Variants in PTPRD observed in about 807,000 individuals in gnomAD.
PTPRD encodes the protein protein tyrosine phosphatase receptor type D.
Under a neutral mutation model 214.5 loss-of-function variants are expected in PTPRD, and 34 were observed. That is an observed-to-expected ratio of 0.16 (90% CI 0.12 to 0.21). The LOEUF (loss-of-function observed/expected upper bound fraction) is 0.21, where lower values mean the gene tolerates loss of function less well. PTPRD is among the 10% of genes least tolerant of loss of function. The probability of loss-of-function intolerance (pLI) is 1.00; values close to 1 mark genes in which losing one functional copy is unlikely to be tolerated. For missense variants in PTPRD, 2,545 were observed against 2,398.7 expected (o/e 1.06, Z -1.27); for synonymous variants, 1,128 against 845.7 (o/e 1.33, Z -5.79).
chr9:9,884,428 C>T (rs893630607), intron 5 of PTPRD, among the ~76,000 whole-genome samples: 1 of 152,150 alleles, frequency 6.6e-6, no homozygotes, highest in Admixed American at 6.6e-5. Context: ...TGTAAGAAAG[C>T]CCTTCCTCAA....
At chr9:9,469,175 T>G (rs1050089224) in intron 8 of PTPRD, among the ~76,000 whole-genome samples, 1 of 152,140 alleles carries the variant, frequency 6.6e-6, no homozygotes, top group Non-Finnish European at 1.5e-5. Context: ...AAATATTATG[T>G]ATAAGTTGAA....
intron 2 of PTPRD, among the ~76,000 whole-genome samples, chr9:10,444,412 C>A (rs59084899): frequency 0.09 from 13,622 of 151,666 alleles, 1,040 homozygotes; most frequent in African/African-American, 0.2. Context: ...TAAATACTAA[C>A]ATTATATAGG....
chr9:10,216,316 G>C (rs992941591), intron 3 of PTPRD, among the ~76,000 whole-genome samples: 1 of 151,968 alleles, frequency 6.6e-6, no homozygotes, highest in African/African-American at 2.4e-5. Flanking sequence ...GAAGGGGTTA[G>C]AGAGCTTCAA....
intron 5 of PTPRD, among the ~76,000 whole-genome samples, chr9:9,786,196 T>C (rs534872506): frequency 6.6e-6 from 1 of 152,314 alleles, no homozygotes; most frequent in South Asian, 2.1e-4. Flanking sequence ...TTATTTGCCA[T>C]GCACTGAAGC....
intron 11 of PTPRD, among the ~76,000 whole-genome samples, chr9:8,898,202 C>T (rs1242586664): frequency 6.6e-6 from 1 of 152,036 alleles, no homozygotes; most frequent in Non-Finnish European, 1.5e-5. Context: ...CTCATATTCT[C>T]TTTTATATAA....
intron 36 of PTPRD, among the ~76,000 whole-genome samples, chr9:8,399,349 C>CAAAT (rs950927217): frequency 4.6e-5 from 7 of 152,004 alleles, no homozygotes; most frequent in Admixed American, 3.9e-4. Flanking sequence ...AATTAGTGTA[C>CAAAT]AAATAAAGTA....
intron 7 of PTPRD, among the ~76,000 whole-genome samples, chr9:9,646,775 A>G (rs1334942839): frequency 1.3e-5 from 2 of 152,182 alleles, no homozygotes. Context: ...TCTATAATAA[A>G]GTTTAAAATT....
At chr9:9,587,781 C>T (rs955296146) in intron 7 of PTPRD, among the ~76,000 whole-genome samples, 4 of 151,864 alleles carry the variant, frequency 2.6e-5, no homozygotes, top group Admixed American at 1.3e-4. Context: ...CATGTTCTTA[C>T]TCATATGTGG....
chr9:8,692,895 T>C (rs979143932), intron 12 of PTPRD, among the ~76,000 whole-genome samples: 2 of 152,200 alleles, frequency 1.3e-5, no homozygotes, highest in Non-Finnish European at 2.9e-5. Context: ...AAAACATCAA[T>C]GTTTGGCAGT....
chr9:10,271,915 C>T (rs780665170), intron 3 of PTPRD, among the ~76,000 whole-genome samples: 1 of 152,032 alleles, frequency 6.6e-6, no homozygotes, highest in Admixed American at 6.6e-5. Flanking sequence ...TATGTGAATT[C>T]TCTTCCAGTC....
intron 10 of PTPRD, among the ~76,000 whole-genome samples, chr9:9,103,846 G>A (rs538920519): frequency 6.6e-6 from 1 of 152,056 alleles, no homozygotes; most frequent in Non-Finnish European, 1.5e-5. Context: ...GCTGGGCGTG[G>A]TGATGTGCAC....
chr9:9,998,849 G>A (rs1385601233), intron 4 of PTPRD, among the ~76,000 whole-genome samples: 1 of 152,130 alleles, frequency 6.6e-6, no homozygotes, highest in African/African-American at 2.4e-5. Context: ...GATTCTCCAT[G>A]CTCATGCTGC....
chr9:10,561,316 A>C (rs982899634), intron 2 of PTPRD, among the ~76,000 whole-genome samples: 3 of 152,168 alleles, frequency 2.0e-5, no homozygotes, highest in African/African-American at 7.2e-5. Context: ...TAACAAGTAT[A>C]TTTAAGATAT....
At chr9:8,680,807 T>C (rs892776020) in intron 12 of PTPRD, among the ~76,000 whole-genome samples, 2 of 152,148 alleles carry the variant, frequency 1.3e-5, no homozygotes, top group Non-Finnish European at 2.9e-5. Flanking sequence ...TCAGAACTAA[T>C]TTTCCACTGG....
intron 2 of PTPRD, among the ~76,000 whole-genome samples, chr9:10,447,310 C>T (rs2098806998): frequency 6.6e-6 from 1 of 151,980 alleles, no homozygotes; most frequent in African/African-American, 2.4e-5. Flanking sequence ...AATGAGAAGA[C>T]TCTATTTTAG....
At chr9:8,643,115 G>T (rs1381055816) in intron 12 of PTPRD, among the ~76,000 whole-genome samples, 1 of 152,100 alleles carries the variant, frequency 6.6e-6, no homozygotes, top group Non-Finnish European at 1.5e-5. Context: ...ATTGTTTATG[G>T]TATTTCTTTT....
At chr9:9,785,212 T>A (rs1263327640) in intron 5 of PTPRD, among the ~76,000 whole-genome samples, 1 of 151,848 alleles carries the variant, frequency 6.6e-6, no homozygotes, top group African/African-American at 2.4e-5. Flanking sequence ...AATACAAAAT[T>A]GCCATTCAGG....
At chr9:10,086,159 A>G (rs536015345) in intron 3 of PTPRD, among the ~76,000 whole-genome samples, 8 of 151,844 alleles carry the variant, frequency 5.3e-5, no homozygotes, top group South Asian at 2.1e-4. Flanking sequence ...AAATGGGTGT[A>G]TTTCATAGTG....
At chr9:9,209,934 GT>G (rs2099947445) in intron 9 of PTPRD, among the ~76,000 whole-genome samples, 1 of 152,026 alleles carries the variant, frequency 6.6e-6, no homozygotes, top group Non-Finnish European at 1.5e-5. Flanking sequence ...ATTTTCATTG[GT>G]TCCTCCTAAA....
Sources: allele counts gnomAD v4.1 joint callset (sites outside exome capture counted in the v4.1 genomes callset), GRCh38; gene constraint gnomAD v4.1.1; transcripts MANE v1.5; gene names NCBI Gene and HGNC (gene_info 2026-07-23, HGNC 2026-07-21).